NTM: variants seen among roughly 807,000 people sequenced by gnomAD.
The protein encoded by NTM is neurotrimin.
Under a neutral mutation model 42.1 loss-of-function variants are expected in NTM, and 13 were observed. The observed-to-expected ratio is 0.31, with a 90% CI of 0.20 to 0.49. The LOEUF is 0.49. Among genes scored for constraint, NTM ranks in the 20% least tolerant of loss-of-function variants. The probability of loss-of-function intolerance (pLI) is 0.99; values close to 1 mark genes in which losing one functional copy is unlikely to be tolerated. For synonymous variants in NTM, 187 were observed against 179.2 expected (o/e 1.04, Z -0.35); for missense variants, 373 against 452.8 (o/e 0.82, Z 1.60).
intron 7 of NTM, among the ~76,000 whole-genome samples, chr11:132,320,839 A>G (rs1169101583): frequency 9.9e-5 from 15 of 151,744 alleles, no homozygotes; most frequent in East Asian, 1.9e-4. Context: ...GAGAACGGGC[A>G]GACTGCCTCC....
intron 3 of NTM, among the ~76,000 whole-genome samples, chr11:132,157,662 C>T (rs1460044710): frequency 7.1e-6 from 1 of 140,784 alleles, no homozygotes; most frequent in Non-Finnish European, 1.7e-5. Context: ...AGAGGGACCT[C>T]GTATTTGTGT....
intron 2 of NTM, among the ~76,000 whole-genome samples, chr11:131,976,425 A>G (rs1209326591): frequency 6.6e-6 from 1 of 152,108 alleles, no homozygotes; most frequent in African/African-American, 2.4e-5. Context: ...TTTACCTTGG[A>G]TGAATTTTCA....
Position 131,954,998 on chromosome 11 carries a change from G to A in NTM, c.167+43350G>A, listed in dbSNP as rs146919315. On this transcript the variant is annotated intron_variant, in intron 2 of 8. Transcript: ENST00000683400. ...GATTGTTTCCAGTGGTTTTGCTGTTGTAAATACTGTTCAGATGAACATCCT... is the reference window on the plus strand; with the variant it reads ...GATTGTTTCCAGTGGTTTTGCTGTTATAAATACTGTTCAGATGAACATCCT... 6.0e-3 allele frequency among the ~76,000 whole-genome samples: 910 copies of A among 152,264 alleles called. 8 individuals are homozygous for A. The highest frequency in any genetic ancestry group is 0.021 in the African/African-American group (862 of 41,532).
At chr11:131,553,696 T>C (rs2055009450) in intron 1 of NTM, among the ~76,000 whole-genome samples, 1 of 152,242 alleles carries the variant, frequency 6.6e-6, no homozygotes, top group Non-Finnish European at 1.5e-5. Context: ...TTGGTTGTTA[T>C]TGGTGGTGTT....
At chr11:131,567,186 G>A (rs970399029) in intron 1 of NTM, among the ~76,000 whole-genome samples, 1 of 151,960 alleles carries the variant, frequency 6.6e-6, no homozygotes, top group Non-Finnish European at 1.5e-5. Context: ...GATGCTTGGT[G>A]GGAAACCTAA....
intron 1 of NTM, among the ~76,000 whole-genome samples, chr11:131,813,100 C>A (rs1312655629): frequency 6.6e-6 from 1 of 152,182 alleles, no homozygotes; most frequent in Non-Finnish European, 1.5e-5. Flanking sequence ...TGTTGACAAT[C>A]ACAAAAGTTA....
At chr11:132,041,211 GAGAGAGAGAGAGAGA>G (rs1306406388) in intron 2 of NTM, among the ~76,000 whole-genome samples, 14 of 94,714 alleles carry the variant, frequency 1.5e-4, no homozygotes, top group Admixed American at 8.3e-4. Context: ...GTGTGTGTGT[GAGAGAGAGAGAGAGA>G]TAGATAGAGA....
intron 1 of NTM, among the ~76,000 whole-genome samples, chr11:131,497,871 G>T (rs1487344431): frequency 1.3e-5 from 2 of 152,070 alleles, no homozygotes; most frequent in African/African-American, 4.8e-5. Flanking sequence ...CACCTGTTCT[G>T]TAACCATCCC....
chr11:132,157,770 C>G (rs929693756), intron 3 of NTM, among the ~76,000 whole-genome samples: 11 of 152,160 alleles, frequency 7.2e-5, no homozygotes, highest in African/African-American at 2.7e-4. Flanking sequence ...CCTCTGACTC[C>G]AACCCTAAAC....
chr11:131,857,377 C>T (rs1373489019), intron 1 of NTM, among the ~76,000 whole-genome samples: 1 of 152,136 alleles, frequency 6.6e-6, no homozygotes, highest in Non-Finnish European at 1.5e-5. Context: ...CCTGCTGCAG[C>T]GTCCCCTTCC....
chr11:131,689,850 A>AGAC (rs1253592739), intron 1 of NTM, among the ~76,000 whole-genome samples: 5 of 152,174 alleles, frequency 3.3e-5, no homozygotes, highest in Non-Finnish European at 7.4e-5. Context: ...CCTTCCAGAG[A>AGAC]GACTCAGCAA....
chr11:131,600,359 A>G (rs2060369963), intron 1 of NTM, among the ~76,000 whole-genome samples: 2 of 152,208 alleles, frequency 1.3e-5, no homozygotes, highest in South Asian at 2.1e-4. Flanking sequence ...TGTGCAGTCT[A>G]TTTGCCTGTA....
chr11:131,379,710 T>A (rs1307694117), intron 1 of NTM, among the ~76,000 whole-genome samples: 4 of 152,232 alleles, frequency 2.6e-5, no homozygotes, highest in African/African-American at 9.6e-5. Context: ...TTTTTCTACA[T>A]GACTGTTTTC....
At chr11:131,403,921 T>TCTC (rs1197012831) in intron 1 of NTM, among the ~76,000 whole-genome samples, 1 of 152,146 alleles carries the variant, frequency 6.6e-6, no homozygotes, top group African/African-American at 2.4e-5. Flanking sequence ...CTCTGGGGCC[T>TCTC]CTCCTCTCTC....
At chr11:132,241,004 C>A (rs988659925) in intron 4 of NTM, among the ~76,000 whole-genome samples, 5 of 152,076 alleles carry the variant, frequency 3.3e-5, no homozygotes, top group African/African-American at 1.2e-4. Flanking sequence ...AAAACGCAGC[C>A]AAAACTTTGT....
chr11:132,039,415 ATTTTTTT>A (rs71475786), intron 2 of NTM, among the ~76,000 whole-genome samples: 3 of 133,242 alleles, frequency 2.3e-5, no homozygotes, highest in African/African-American at 5.6e-5. Flanking sequence ...GCCCCTCATA[ATTTTTTT>A]TTTTTTTTTT....
At chr11:131,890,821 C>G (rs1026298010) in intron 1 of NTM, among the ~76,000 whole-genome samples, 2 of 152,104 alleles carry the variant, frequency 1.3e-5, no homozygotes, top group African/African-American at 4.8e-5. Flanking sequence ...CTTGAGGATC[C>G]CCTACTCATT....
chr11:132,285,953 A>G (rs572773515), intron 4 of NTM, among the ~76,000 whole-genome samples: 1 of 152,336 alleles, frequency 6.6e-6, no homozygotes, highest in South Asian at 2.1e-4. Context: ...AGTTCAGCTC[A>G]GGACTGGCTT....
intron 1 of NTM, among the ~76,000 whole-genome samples, chr11:131,556,153 C>T (rs2055381258): frequency 1.3e-5 from 2 of 152,150 alleles, no homozygotes; most frequent in Admixed American, 1.3e-4. Flanking sequence ...TGAAAATGAA[C>T]ACAAGTGACA....
Sources: gnomAD v4.1 joint callset for allele counts (sites outside exome capture counted in the v4.1 genomes callset) on GRCh38, gnomAD v4.1.1 for gene constraint, MANE v1.5 for transcripts, NCBI Gene and HGNC (gene_info 2026-07-23, HGNC 2026-07-21) for gene names.